Variants in DCLK2 observed in about 807,000 individuals in gnomAD.
The protein encoded by DCLK2 is serine/threonine-protein kinase DCLK2.
In DCLK2, 31 loss-of-function variants were observed where a neutral mutation model predicts 78.4. That is an observed-to-expected ratio of 0.40 (90% CI 0.30 to 0.53). The LOEUF is 0.53. DCLK2 is among the 20% of genes least tolerant of loss of function. The probability of loss-of-function intolerance (pLI) is 0.61; values close to 1 mark genes in which losing one functional copy is unlikely to be tolerated. For missense variants in DCLK2, 872 were observed against 973.7 expected, an observed-to-expected ratio of 0.90 and a Z score of 1.39; for synonymous variants, 407 against 374.9, an observed-to-expected ratio of 1.09 and a Z score of -0.99.
At chr4:150,081,627 A>T (rs2150127320) in intron 1 of DCLK2, among the ~76,000 whole-genome samples, 1 of 152,308 alleles carries the variant, frequency 6.6e-6, no homozygotes, top group South Asian at 2.1e-4. Context: ...ACTCTCTCTG[A>T]CAATGGGTCT....
intron 2 of DCLK2, among the ~76,000 whole-genome samples, chr4:150,108,073 A>AT (rs1326422358): frequency 6.6e-6 from 1 of 152,182 alleles, no homozygotes; most frequent in Non-Finnish European, 1.5e-5. Context: ...CTAAAAACAA[A>AT]ATATATAACC....
intron 7 of DCLK2, among the ~76,000 whole-genome samples, chr4:150,224,274 A>G (rs1741426704): frequency 6.6e-6 from 1 of 152,108 alleles, no homozygotes; most frequent in Non-Finnish European, 1.5e-5. Flanking sequence ...GCTGTAGAAT[A>G]CAACAGGAAT....
At chr4:150,209,067 G>A (rs1268060523) in intron 5 of DCLK2, among the ~76,000 whole-genome samples, 4 of 152,176 alleles carry the variant, frequency 2.6e-5, no homozygotes, top group African/African-American at 7.2e-5. Flanking sequence ...GGACACAGTG[G>A]GAAAGCAAGA....
intron 5 of DCLK2, among the ~76,000 whole-genome samples, chr4:150,220,025 G>A (rs1741061796): frequency 6.6e-6 from 1 of 152,180 alleles, no homozygotes; most frequent in South Asian, 2.1e-4. Context: ...TGACTAAAGA[G>A]GCCTTTGATG....
At chr4:150,224,986 G>A (rs372832554) in intron 8 of DCLK2, among the ~76,000 whole-genome samples, 9 of 152,162 alleles carry the variant, frequency 5.9e-5, no homozygotes, top group African/African-American at 2.2e-4. Flanking sequence ...CTTCATGCTT[G>A]CATTGGTTCC....
intron 2 of DCLK2, 110 bp from the exon 3 acceptor site, chr4:150,193,028 C>G (rs1738584323): frequency 1.5e-6 from 1 of 670,968 alleles, no homozygotes; most frequent in Admixed American, 2.4e-5. Flanking sequence ...ACACAGCTTT[C>G]TCTTCCACTT....
At chr4:150,104,363 G>GGGT (rs1731088572) in intron 2 of DCLK2, among the ~76,000 whole-genome samples, 2 of 99,784 alleles carry the variant, frequency 2.0e-5, no homozygotes, top group South Asian at 5.8e-4. Flanking sequence ...ACTCCAACCT[G>GGGT]GGTGCTGGTG....
At position 150,079,451 on chromosome 4, in the gene DCLK2, A is replaced by G; in HGVS notation, c.421+3A>G. ...CAGCCTGGACGAGCTGCTGGAAGGT[A>G]GGAGGGGAGGGCGCCGCACGGCAGG... On this transcript the variant is annotated splice_donor_region_variant and intron_variant, in intron 1 of 15. Transcript: ENST00000296550. 2 of 1,495,048 alleles carry G rather than the reference A, an allele frequency of 1.3e-6. No individual in the cohort carries two copies. Among genetic ancestry groups the G allele is most frequent in the Non-Finnish European group, 1.8e-6 (2 of 1,119,540 alleles). The allele number at this position is 1,495,048 out of a possible 1,614,324, so 92.6% of individuals were successfully genotyped here. A position where few individuals can be genotyped will look rare whatever the true frequency, so the allele number is the denominator to read the frequency against.
chr4:150,171,381 T>TGAGGCGGGAG (rs1408204300), intron 2 of DCLK2, among the ~76,000 whole-genome samples: 2 of 152,154 alleles, frequency 1.3e-5, no homozygotes, highest in African/African-American at 2.4e-5. Flanking sequence ...CTTGGGAGGC[T>TGAGGCGGGAG]GAGGCGGGAG....
intron 2 of DCLK2, 25 bp downstream of exon 2, chr4:150,102,837 C>G (rs1230556943): frequency 2.6e-6 from 4 of 1,560,064 alleles, no homozygotes; most frequent in Non-Finnish European, 3.5e-6. Flanking sequence ...GCTCCCAGCT[C>G]TCCATCTGAC....
chr4:150,252,800 G>A (rs1744272217), intron 15 of DCLK2, among the ~76,000 whole-genome samples: 1 of 152,206 alleles, frequency 6.6e-6, no homozygotes, highest in African/African-American at 2.4e-5. Flanking sequence ...CATGTTGGCA[G>A]GGTGTCCCCT....
chr4:150,221,370 A>C (rs1452721117), intron 6 of DCLK2, among the ~76,000 whole-genome samples: 1 of 151,476 alleles, frequency 6.6e-6, no homozygotes, highest in Non-Finnish European at 1.5e-5. Context: ...CCTTTCTTGA[A>C]CATCGACAAA....
At chr4:150,193,335 GTCT>G in intron 3 of DCLK2, 95 bp downstream of exon 3, 1 of 700,162 alleles carries the variant, frequency 1.4e-6, no homozygotes, top group South Asian at 2.5e-5. Flanking sequence ...ATGTTAAGAA[GTCT>G]GACATGTTGA....
chr4:150,101,479 T>A (rs1265238323), intron 1 of DCLK2, among the ~76,000 whole-genome samples: 1 of 152,158 alleles, frequency 6.6e-6, no homozygotes, highest in Non-Finnish European at 1.5e-5. Context: ...AAGGTTCATG[T>A]TAATATTGTT....
intron 2 of DCLK2, among the ~76,000 whole-genome samples, chr4:150,129,489 G>A (rs944862566): frequency 6.6e-5 from 10 of 152,048 alleles, no homozygotes; most frequent in Non-Finnish European, 1.0e-4. Context: ...GGGAGGCTGA[G>A]GTGGGTAGAT....
chr4:150,102,961 G>T (rs939174354), intron 2 of DCLK2, 149 bp downstream of exon 2: 3 of 731,114 alleles, frequency 4.1e-6, no homozygotes, highest in African/African-American at 1.8e-5. Flanking sequence ...GTATGTGTGT[G>T]TGTGTGTATG....
At position 150,078,837 on chromosome 4, in the gene DCLK2, C is replaced by T. The variant is rs1366820242; in HGVS notation, c.-191C>T. On this transcript the variant is annotated 5_prime_UTR_variant, in exon 1 of 16. Coordinates refer to ENST00000296550, the MANE Select transcript of DCLK2 (RefSeq NM_001040260.4). ...CCTGGGCAGCTCGGCGCTGCGGACA[C>T]TTTTAGCTGAGGGCGCGGGCGGGTC... 1 of 665,556 alleles carries T rather than the reference C, an allele frequency of 1.5e-6. No homozygotes were observed. Among genetic ancestry groups the T allele is most frequent in the South Asian group, 2.6e-5 (1 of 38,656 alleles). 41.2% of individuals were successfully genotyped at this position (665,556 alleles called of 1,614,324 possible).
At chr4:150,253,176 T>G in intron 15 of DCLK2, 1 of 482,410 alleles carries the variant, frequency 2.1e-6, no homozygotes, top group Non-Finnish European at 4.3e-6. Context: ...TAAGTGTTTT[T>G]ACATTAAAAA....
chr4:150,167,648 C>T (rs72730394), intron 2 of DCLK2, among the ~76,000 whole-genome samples: 7,176 of 152,166 alleles, frequency 0.047, 256 homozygotes, highest in Non-Finnish European at 0.071. Flanking sequence ...CCAACCTCCA[C>T]CAGGAGTGTC....
Sources: gnomAD v4.1 joint callset for allele counts (sites outside exome capture counted in the v4.1 genomes callset) on GRCh38, gnomAD v4.1.1 for gene constraint, MANE v1.5 for transcripts, NCBI Gene and HGNC (gene_info 2026-07-23, HGNC 2026-07-21) for gene names.